Variants in KNDC1 observed in about 807,000 individuals in gnomAD.
KNDC1 encodes kinase non-catalytic C-lobe domain-containing protein 1.
A neutral mutation model predicts 172.8 loss-of-function variants in KNDC1; 106 were observed. The observed-to-expected ratio is 0.61, with a 90% CI of 0.52 to 0.72. The LOEUF (loss-of-function observed/expected upper bound fraction) is 0.72. Ranked by LOEUF, KNDC1 falls within the 30% of genes least tolerant of loss-of-function variation. The pLI is 0.00. For missense variants in KNDC1, 2,325 were observed against 2,394.5 expected, an observed-to-expected ratio of 0.97 and a Z score of 0.61; for synonymous variants, 1,083 against 1,062.2, an observed-to-expected ratio of 1.02 and a Z score of -0.38.
Position 133,218,899 on chromosome 10 carries a change from G to C in KNDC1, c.4746G>C (p.Ala1582=), listed in dbSNP as rs760509928. The stretch of plus-strand genomic sequence containing the variant: ...CTTGCTATGAGCAGAGAAACTTCGC[G>C]ACAGCCATGCAGATCCTGAGCGGGC... The part of the protein sequence containing the change: ...AKSCYEQRNF[A]TAMQILSGLE... Residue 1582 remains alanine (A), a synonymous_variant, in exon 27 of 30, where the codon GCG becomes GCC. Transcript: ENST00000304613. The C allele has an allele frequency of 5.6e-6, 9 of 1,613,894 alleles. No individual in the cohort carries two copies. Among genetic ancestry groups the C allele is most frequent in the South Asian group, 1.1e-5 (1 of 91,078 alleles).
At chr10:133,195,294 C>T (rs562427397) in intron 9 of KNDC1, among the ~76,000 whole-genome samples, 1 of 152,272 alleles carries the variant, frequency 6.6e-6, no homozygotes, top group East Asian at 1.9e-4. Flanking sequence ...GAGCAGGCAC[C>T]AGTCGGGGGG....
intron 21 of KNDC1, 103 bp downstream of exon 21, chr10:133,210,827 G>A: frequency 2.1e-6 from 2 of 969,320 alleles, no homozygotes; most frequent in Non-Finnish European, 3.3e-6. Context: ...GTGGTCCCTG[G>A]CGACCCAAGG....
At chr10:133,170,702 T>C (rs2135952154) in intron 3 of KNDC1, among the ~76,000 whole-genome samples, 1 of 152,358 alleles carries the variant, frequency 6.6e-6, no homozygotes. Context: ...TATTTTTCTT[T>C]CCAAAATTAG....
chr10:133,163,673 G>A lies in KNDC1; in HGVS notation c.102+3104G>A, dbSNP rs566076421. Reference sequence around the variant, plus strand: ...TTCAAATGCGCCACACGATCTAGGCGTCCCTGTGTAACCCTGGCTCGAAGT... The same window carrying A: ...TTCAAATGCGCCACACGATCTAGGCATCCCTGTGTAACCCTGGCTCGAAGT... On this transcript the variant is annotated intron_variant, in intron 1 of 29. Transcript: ENST00000304613. This position sits in a 1 kb window ranked among gnomAD's most constrained non-coding sequence, Gnocchi z 4.4. Among the ~76,000 whole-genome samples the A allele has an allele frequency of 2.4e-3, 365 of 152,276 alleles. 1 individual carries two copies. Among genetic ancestry groups the A allele is most frequent in the Non-Finnish European group, 4.1e-3 (282 of 68,012 alleles).
intron 3 of KNDC1, among the ~76,000 whole-genome samples, chr10:133,173,343 G>A (rs1159404782): frequency 6.6e-5 from 10 of 151,972 alleles, no homozygotes; most frequent in Non-Finnish European, 1.0e-4. Context: ...TTTCTGACTC[G>A]AGCTGGACAC....
In KNDC1 at chr10:133,206,864, G is replaced by A. The variant is rs555549290; in HGVS notation, c.3490G>A (p.Val1164Ile). 122 of 1,614,118 alleles carry A rather than the reference G, an allele frequency of 7.6e-5. 3 individuals are homozygous for A. Among genetic ancestry groups the A allele is most frequent in the South Asian group, 7.4e-4 (67 of 91,076 alleles). ...QKEKRNKGSD[V>I]KTMLSKLKGQ... Reference sequence around the variant, plus strand: ...CTCTGCTCCACCCACAGGTTCCGACGTCAAGACCATGCTGTCCAAGCTGAA... The same window carrying A: ...CTCTGCTCCACCCACAGGTTCCGACATCAAGACCATGCTGTCCAAGCTGAA... The change falls in exon 19 of 30, where the codon GTC becomes ATC. Residue 1164 changes from valine (V) to isoleucine (I), a missense_variant. Val to Ile is a conservative substitution (Grantham distance 29). Coordinates refer to ENST00000304613, the MANE Select transcript of KNDC1 (RefSeq NM_152643.8).
chr10:133,164,153 C>T (rs1000787249), intron 1 of KNDC1: 1 of 152,712 alleles, frequency 6.5e-6, no homozygotes, highest in South Asian at 2.0e-4. Context: ...CACACAATTG[C>T]AAAGTGGGGA....
intron 26 of KNDC1, 62 bp from the exon 27 acceptor site, chr10:133,218,769 C>T (rs1845520676): frequency 2.5e-6 from 4 of 1,575,626 alleles, no homozygotes; most frequent in Non-Finnish European, 3.5e-6. Flanking sequence ...AACAGGTTCT[C>T]AAATATTCCC....
chr10:133,178,405 T>C (rs1271731922), intron 3 of KNDC1, among the ~76,000 whole-genome samples: 1 of 152,154 alleles, frequency 6.6e-6, no homozygotes, highest in Non-Finnish European at 1.5e-5. Flanking sequence ...GAACAGCATA[T>C]GCGAAGCTAC....
In KNDC1 at chr10:133,198,969, G is replaced by A; in HGVS notation, c.2461G>A (p.Ala821Thr). Residue 821 changes from alanine (A) to threonine (T), a missense_variant, in exon 14 of 30, where the codon GCC becomes ACC. Coordinates refer to ENST00000304613, the MANE Select transcript of KNDC1 (RefSeq NM_152643.8). ...GCCCGACGCCCTGGGGCCCACCACG[G>A]CCCACCACGGCCCACGCCACCCGCC... Reference protein sequence around the residue: ...LRPDALGPTTAHHGPRHPPKP... With the variant: ...LRPDALGPTTTHHGPRHPPKP... 1 of 1,542,944 alleles carries A rather than the reference G, an allele frequency of 6.5e-7. No individual in the cohort carries two copies. The highest frequency in any genetic ancestry group is 8.7e-7 in the Non-Finnish European group (1 of 1,148,946).
At chr10:133,216,960 C>T (rs1245443619) in intron 26 of KNDC1, among the ~76,000 whole-genome samples, 1 of 152,220 alleles carries the variant, frequency 6.6e-6, no homozygotes, top group Non-Finnish European at 1.5e-5. Context: ...TCCACGTACA[C>T]GAGGCGCCTG....
At chr10:133,203,107 GGCGTCC>G (rs1854423461) in intron 17 of KNDC1, among the ~76,000 whole-genome samples, 1 of 84,798 alleles carries the variant, frequency 1.2e-5, no homozygotes, top group Admixed American at 1.3e-4. Context: ...CCAAACGCAC[GGCGTCC>G]AGCGGGGAGC....
intron 17 of KNDC1, among the ~76,000 whole-genome samples, chr10:133,206,239 G>A: frequency 6.6e-6 from 1 of 152,224 alleles, no homozygotes; most frequent in Admixed American, 6.5e-5. Flanking sequence ...AAATAAAAAG[G>A]CAGACACCTG....
chr10:133,211,837 A>G lies in KNDC1; in HGVS notation c.4215A>G (p.Ser1405=), dbSNP rs370947012. The G allele has an allele frequency of 1.2e-6, 2 of 1,608,116 alleles. No individual in the cohort carries two copies. Among genetic ancestry groups the G allele is most frequent in the Middle Eastern group, 1.7e-4 (1 of 6,034 alleles). ...TCAACGCCCTCTGTAAGAGGCTCTC[A>G]GAGGACGGCATCTCCAGGAAGGTGG... ...RPFNALCKRL[S]EDGISRKSFP... is the part of the protein sequence containing the mutation. The change falls in exon 23 of 30, where the codon TCA becomes TCG. Residue 1405 remains serine (S), a synonymous_variant. Transcript: ENST00000304613.
chr10:133,222,195 AT>A (rs1845609582), intron 29 of KNDC1, among the ~76,000 whole-genome samples: 1 of 148,874 alleles, frequency 6.7e-6, no homozygotes, highest in Admixed American at 6.7e-5. Flanking sequence ...AGGCAGGAGA[AT>A]GGCGTGAACC....
intron 5 of KNDC1, among the ~76,000 whole-genome samples, chr10:133,185,187 G>C (rs1470301698): frequency 6.6e-6 from 1 of 151,118 alleles, no homozygotes; most frequent in Non-Finnish European, 1.5e-5. Context: ...TGTGTGCAGT[G>C]TGGAGTAGGC....
At chr10:133,160,650 G>A (rs984975027) in intron 1 of KNDC1, 81 bp downstream of exon 1, 22 of 921,132 alleles carry the variant, frequency 2.4e-5, no homozygotes, top group Non-Finnish European at 3.5e-5. Context: ...ACCCGGGAGG[G>A]GCTGTGAGCT....
At chr10:133,175,945 G>A (rs1387169734) in intron 3 of KNDC1, among the ~76,000 whole-genome samples, 3 of 148,774 alleles carry the variant, frequency 2.0e-5, no homozygotes, top group Non-Finnish European at 4.5e-5. Context: ...TGGATGGGTG[G>A]GTGAATGGAT....
chr10:133,187,766 A>C (rs971855346), intron 6 of KNDC1, among the ~76,000 whole-genome samples: 1 of 152,146 alleles, frequency 6.6e-6, no homozygotes, highest in Admixed American at 6.5e-5. Flanking sequence ...GTATGTGAGA[A>C]AATGCACCGA....
Sources: allele counts gnomAD v4.1 joint callset (sites outside exome capture counted in the v4.1 genomes callset), GRCh38; gene constraint gnomAD v4.1.1; non-coding constraint Gnocchi (gnomAD v3.1); transcripts MANE v1.5; gene names NCBI Gene and HGNC (gene_info 2026-07-23, HGNC 2026-07-21).